Variants in SORCS3 observed in about 807,000 individuals in gnomAD.
SORCS3 encodes the protein sortilin related VPS10 domain containing receptor 3.
A neutral mutation model predicts 146.3 loss-of-function variants in SORCS3; 57 were observed. That is an observed-to-expected ratio of 0.39 (90% CI 0.31 to 0.49). The LOEUF is 0.49. Among genes scored for constraint, SORCS3 ranks in the 20% least tolerant of loss-of-function variants. The probability of loss-of-function intolerance (pLI) is 0.92; values close to 1 mark genes in which losing one functional copy is unlikely to be tolerated. For missense variants in SORCS3, 1,341 were observed against 1,575.5 expected, an observed-to-expected ratio of 0.85 and a Z score of 2.52; for synonymous variants, 653 against 618.5, an observed-to-expected ratio of 1.06 and a Z score of -0.83.
rs566315455 is a variant in SORCS3 at position 104,926,632 on chromosome 10, C to G, written c.795+10700C>G. ...CAGACACCGGTCTAGGAGTTTCCAT[C>G]TGCCTTCGCAAGTGTGACCCAGCAA... On this transcript the variant is annotated intron_variant, in intron 3 of 26. Coordinates refer to ENST00000369701, the MANE Select transcript of SORCS3 (RefSeq NM_014978.3). Among the ~76,000 whole-genome samples, 4 of 152,364 alleles carry G rather than the reference C, an allele frequency of 2.6e-5. No individual in the cohort carries two copies. In the East Asian group the frequency reaches 7.7e-4, roughly 29 times the overall value.
rs529585673 is a variant in SORCS3 at position 104,975,481 on chromosome 10, C to G, written c.796-1854C>G. Among the ~76,000 whole-genome samples, 338 of 152,278 alleles carry G rather than the reference C, an allele frequency of 2.2e-3. 2 individuals carry two copies. Among genetic ancestry groups the G allele is most frequent in the African/African-American group, 7.9e-3 (327 of 41,556 alleles). ...AATCAGTATCATGAAAATGGCCATA[C>G]TGCCCAAGGTAATTTATAGAGTCAA... On this transcript the variant is annotated intron_variant, in intron 3 of 26. Coordinates refer to ENST00000369701, the MANE Select transcript of SORCS3 (RefSeq NM_014978.3).
chr10:104,692,426 C>G (rs1489948363), intron 1 of SORCS3, among the ~76,000 whole-genome samples: 2 of 152,152 alleles, frequency 1.3e-5, no homozygotes, highest in African/African-American at 4.8e-5. Context: ...ACAATCAGTT[C>G]CTACAAAGTT....
intron 19 of SORCS3, among the ~76,000 whole-genome samples, chr10:105,219,978 T>C (rs961826349): frequency 5.9e-5 from 9 of 152,224 alleles, no homozygotes; most frequent in African/African-American, 1.4e-4. Context: ...ATTTTCCAGA[T>C]AGTTTTTATT....
At chr10:104,767,743 C>CGCTCTCT (rs2017198308) in intron 1 of SORCS3, among the ~76,000 whole-genome samples, 1 of 136,296 alleles carries the variant, frequency 7.3e-6, no homozygotes, top group African/African-American at 2.8e-5. Context: ...TTCCTCTCCT[C>CGCTCTCT]GCTCTCTTTC....
chr10:104,853,814 T>C (rs929923285), intron 2 of SORCS3, among the ~76,000 whole-genome samples: 2 of 152,206 alleles, frequency 1.3e-5, no homozygotes, highest in African/African-American at 2.4e-5. Context: ...CAGATAAATA[T>C]GTACAATTTT....
At chr10:104,867,852 T>C (rs1176715077) in intron 2 of SORCS3, among the ~76,000 whole-genome samples, 1 of 152,248 alleles carries the variant, frequency 6.6e-6, no homozygotes, top group Admixed American at 6.5e-5. Context: ...TACAGAGATA[T>C]CTGTGTAAAT....
rs575379619 is a variant in SORCS3 at position 104,710,431 on chromosome 10, C to CAAGT, written c.627+68478_627+68481dup. On this transcript the variant is annotated intron_variant, in intron 1 of 26. Coordinates refer to ENST00000369701, the MANE Select transcript of SORCS3 (RefSeq NM_014978.3). The stretch of plus-strand genomic sequence containing the variant: ...CTGGCTCAGTAGTGAAAAAAACGGG[C>CAAGT]AAGTCTCTTTGCTGTTCTCTCAGAG... Among the ~76,000 whole-genome samples, 86 of 152,306 alleles carry CAAGT rather than the reference C, an allele frequency of 5.6e-4. 1 individual carries two copies. In the East Asian group the frequency reaches 0.014, roughly 25 times the overall value.
At chr10:105,136,862 G>A (rs539137767) in intron 7 of SORCS3, among the ~76,000 whole-genome samples, 3 of 152,188 alleles carry the variant, frequency 2.0e-5, no homozygotes, top group African/African-American at 7.2e-5. Flanking sequence ...TGGACCATTC[G>A]ACAATGCATT....
chr10:104,870,858 T>C (rs1420003726), intron 2 of SORCS3, among the ~76,000 whole-genome samples: 1 of 152,210 alleles, frequency 6.6e-6, no homozygotes, highest in African/African-American at 2.4e-5. Context: ...TGGACCCACC[T>C]CTGAGGCATT....
intron 3 of SORCS3, among the ~76,000 whole-genome samples, chr10:104,959,812 A>G (rs1010716681): frequency 2.0e-5 from 3 of 152,208 alleles, no homozygotes; most frequent in Admixed American, 1.3e-4. Flanking sequence ...TGCTTTGAAC[A>G]TCTGCCAACT....
chr10:104,752,273 T>A (rs971749497), intron 1 of SORCS3, among the ~76,000 whole-genome samples: 15 of 152,072 alleles, frequency 9.9e-5, no homozygotes, highest in African/African-American at 2.6e-4. Flanking sequence ...TGGCCTCAAG[T>A]GATTCGCCTG....
chr10:104,945,286 C>T (rs548502997), intron 3 of SORCS3, among the ~76,000 whole-genome samples: 18 of 146,228 alleles, frequency 1.2e-4, no homozygotes, highest in Middle Eastern at 3.4e-3. Flanking sequence ...GATGGAGTCT[C>T]GCTCTGTCAG....
At chr10:104,965,996 C>T (rs1021036769) in intron 3 of SORCS3, among the ~76,000 whole-genome samples, 7 of 151,940 alleles carry the variant, frequency 4.6e-5, no homozygotes, top group Admixed American at 1.3e-4. Context: ...ATTGGTGTTC[C>T]GTGACATTTA....
chr10:105,184,697 A>G (rs1465993003), intron 14 of SORCS3, among the ~76,000 whole-genome samples: 1 of 152,242 alleles, frequency 6.6e-6, no homozygotes, highest in Non-Finnish European at 1.5e-5. Flanking sequence ...TTTAATGTAT[A>G]CATTTTGATG....
intron 1 of SORCS3, among the ~76,000 whole-genome samples, chr10:104,733,076 T>C (rs567810635): frequency 7.9e-5 from 12 of 152,172 alleles, no homozygotes; most frequent in Non-Finnish European, 1.5e-4. Context: ...CTGATGTAGA[T>C]TGTCATGGGC....
At chr10:105,128,795 G>T (rs972138158) in intron 7 of SORCS3, among the ~76,000 whole-genome samples, 1 of 152,114 alleles carries the variant, frequency 6.6e-6, no homozygotes, top group Non-Finnish European at 1.5e-5. Flanking sequence ...GTGTTCCTGG[G>T]AACATACCAT....
At chr10:104,905,037 T>C (rs914108578) in intron 2 of SORCS3, among the ~76,000 whole-genome samples, 6 of 152,202 alleles carry the variant, frequency 3.9e-5, no homozygotes, top group Non-Finnish European at 7.3e-5. Flanking sequence ...AATTGCTTTT[T>C]CCTGCTTAGC....
chr10:104,783,326 T>C (rs781013085), intron 1 of SORCS3, among the ~76,000 whole-genome samples: 1 of 152,198 alleles, frequency 6.6e-6, no homozygotes, highest in Non-Finnish European at 1.5e-5. Flanking sequence ...ACAGGAGAAA[T>C]TGTCTGATCA....
chr10:105,055,392 G>C (rs1306851846), intron 5 of SORCS3, among the ~76,000 whole-genome samples: 2 of 152,102 alleles, frequency 1.3e-5, no homozygotes, highest in African/African-American at 4.8e-5. Flanking sequence ...AACACCTGCG[G>C]GGATATTTGG....
Sources: allele counts gnomAD v4.1 joint callset (sites outside exome capture counted in the v4.1 genomes callset), GRCh38; gene constraint gnomAD v4.1.1; transcripts MANE v1.5; gene names NCBI Gene and HGNC (gene_info 2026-07-23, HGNC 2026-07-21).